PHACTR3: variants seen among roughly 807,000 people sequenced by gnomAD.
PHACTR3 encodes phosphatase and actin regulator 3, also known as protein phosphatase 1, regulatory subunit 123.
Under a neutral mutation model 66.8 loss-of-function variants are expected in PHACTR3, and 16 were observed. The ratio of observed to expected loss-of-function variants is 0.24; its 90% CI spans 0.16 to 0.36. The LOEUF is 0.36. Ranked by LOEUF, PHACTR3 falls within the 10% of genes least tolerant of loss-of-function variation. The probability of loss-of-function intolerance (pLI) is 1.00; values close to 1 mark genes in which losing one functional copy is unlikely to be tolerated. For missense variants in PHACTR3, 647 were observed against 719.9 expected, an observed-to-expected ratio of 0.90 and a Z score of 1.16; for synonymous variants, 323 against 292.1, an observed-to-expected ratio of 1.11 and a Z score of -1.08.
rs1341899476 is a variant in PHACTR3, at chr20:59,724,144, A to AG, written c.119-18960dup. Reference sequence around the variant, plus strand: ...CCTGGGCTGGCCAACGTGCACCCTCAGGGTCGGGATGTGATCTAGAGCAGG... The same window carrying AG: ...CCTGGGCTGGCCAACGTGCACCCTCAGGGGTCGGGATGTGATCTAGAGCAGG... On this transcript the variant is annotated intron_variant, in intron 1 of 12. Coordinates refer to ENST00000371015, the MANE Select transcript of PHACTR3 (RefSeq NM_080672.5). 9.9e-5 allele frequency among the ~76,000 whole-genome samples: 15 copies of AG among 152,262 alleles called. No homozygotes were observed. In the East Asian group the frequency reaches 2.7e-3, roughly 27 times the overall value.
intron 1 of PHACTR3, among the ~76,000 whole-genome samples, chr20:59,617,812 T>C (rs2034087274): frequency 7.0e-6 from 1 of 143,660 alleles, no homozygotes; most frequent in Non-Finnish European, 1.5e-5. Flanking sequence ...CCTCTGTCCT[T>C]CTTCTTTCTC....
chr20:59,704,679 G>A (rs2037635655), intron 1 of PHACTR3, among the ~76,000 whole-genome samples: 2 of 145,530 alleles, frequency 1.4e-5, no homozygotes, highest in Admixed American at 1.4e-4. Context: ...GTCTGGATCT[G>A]CCATGTCTTC....
At chr20:59,695,499 A>G (rs1384291929) in intron 1 of PHACTR3, among the ~76,000 whole-genome samples, 2 of 152,172 alleles carry the variant, frequency 1.3e-5, no homozygotes, top group Non-Finnish European at 2.9e-5. Flanking sequence ...AGTCAACTAA[A>G]CCTTTTTTCT....
At chr20:59,816,049 A>G (rs892333631) in intron 8 of PHACTR3, among the ~76,000 whole-genome samples, 1 of 152,086 alleles carries the variant, frequency 6.6e-6, no homozygotes, top group Non-Finnish European at 1.5e-5. Flanking sequence ...GTAATATATA[A>G]TGAAGTTATT....
chr20:59,800,955 T>C (rs1410462881), intron 7 of PHACTR3, among the ~76,000 whole-genome samples: 2 of 152,108 alleles, frequency 1.3e-5, no homozygotes, highest in Non-Finnish European at 2.9e-5. Flanking sequence ...CACCATGAAG[T>C]TTTCTGTCTG....
chr20:59,826,351 A>G (rs13041499), intron 8 of PHACTR3, among the ~76,000 whole-genome samples: 17 of 152,072 alleles, frequency 1.1e-4, no homozygotes, highest in African/African-American at 3.6e-4. Flanking sequence ...GTCTGGGCCA[A>G]TGTGGGGCCA....
At chr20:59,657,026 A>G (rs1408907145) in intron 1 of PHACTR3, among the ~76,000 whole-genome samples, 1 of 152,008 alleles carries the variant, frequency 6.6e-6, no homozygotes, top group African/African-American at 2.4e-5. Flanking sequence ...ATATGAATTT[A>G]TGTCTTTCAA....
At chr20:59,799,085 T>A (rs748067009) in intron 7 of PHACTR3, among the ~76,000 whole-genome samples, 1 of 152,104 alleles carries the variant, frequency 6.6e-6, no homozygotes, top group Non-Finnish European at 1.5e-5. Flanking sequence ...TATGTGGGTT[T>A]TTTTAGAGGT....
chr20:59,735,514 G>A (rs908561537), intron 1 of PHACTR3, among the ~76,000 whole-genome samples: 7 of 152,038 alleles, frequency 4.6e-5, no homozygotes, highest in Non-Finnish European at 7.4e-5. Context: ...GGGGAATTTC[G>A]TGAAGTGGAA....
At chr20:59,581,813 G>A (rs1476212109) in intron 1 of PHACTR3, among the ~76,000 whole-genome samples, 3 of 151,884 alleles carry the variant, frequency 2.0e-5, no homozygotes, top group Non-Finnish European at 2.9e-5. Flanking sequence ...CCCGGTAGGC[G>A]GAGCTTGCAG....
intron 1 of PHACTR3, among the ~76,000 whole-genome samples, chr20:59,687,526 G>A (rs1438852674): frequency 5.9e-5 from 9 of 152,144 alleles, no homozygotes; most frequent in East Asian, 3.9e-4. Flanking sequence ...AAAATTTACC[G>A]AAGCTGATGA....
chr20:59,821,851 T>A (rs1029131138), intron 8 of PHACTR3, among the ~76,000 whole-genome samples: 1 of 143,346 alleles, frequency 7.0e-6, no homozygotes, highest in Middle Eastern at 3.3e-3. Context: ...CCTCCCACAC[T>A]GGGCCAGGGA....
intron 1 of PHACTR3, among the ~76,000 whole-genome samples, chr20:59,719,223 T>C (rs888966569): frequency 1.3e-5 from 2 of 152,160 alleles, no homozygotes; most frequent in Admixed American, 6.5e-5. Context: ...TGGAGTGCAG[T>C]GGTGCGATCT....
intron 8 of PHACTR3, among the ~76,000 whole-genome samples, chr20:59,835,379 G>C (rs566332282): frequency 4.6e-5 from 7 of 152,300 alleles, no homozygotes; most frequent in Non-Finnish European, 8.8e-5. Flanking sequence ...AACCACAAAG[G>C]GTTGTGTTCT....
chr20:59,724,823 T>C (rs2038500560), intron 1 of PHACTR3, among the ~76,000 whole-genome samples: 1 of 152,234 alleles, frequency 6.6e-6, no homozygotes, highest in South Asian at 2.1e-4. Context: ...CATTCACTAA[T>C]TGATGTCTGT....
chr20:59,686,797 GTGATGATTGTGA>G (rs2036896287), intron 1 of PHACTR3, among the ~76,000 whole-genome samples: 3 of 124,960 alleles, frequency 2.4e-5, no homozygotes, highest in East Asian at 3.1e-4. Context: ...GATGATGGTG[GTGATGATTGTGA>G]TGATGATGGT....
At chr20:59,599,009 G>A (rs1232693028) in intron 1 of PHACTR3, among the ~76,000 whole-genome samples, 3 of 152,242 alleles carry the variant, frequency 2.0e-5, no homozygotes, top group Non-Finnish European at 2.9e-5. Context: ...AGCATTTGAA[G>A]TTTGCTGAAT....
intron 1 of PHACTR3, among the ~76,000 whole-genome samples, chr20:59,662,038 A>C (rs1481929435): frequency 6.6e-6 from 1 of 151,954 alleles, no homozygotes; most frequent in African/African-American, 2.4e-5. Flanking sequence ...AGAGACAGGA[A>C]ACTTGTGCTT....
At position 59,830,181 on chromosome 20, in the gene PHACTR3, G is replaced by A. The variant is rs934834845; in HGVS notation, c.1329-6324G>A. 1.3e-5 allele frequency among the ~76,000 whole-genome samples: 2 copies of A among 152,166 alleles called. No individual in the cohort carries two copies. The highest frequency in any genetic ancestry group is 3.8e-4 in the East Asian group (2 of 5,196). ...GCGTGTCTGGTGGAAGAGGGTGTGCGTGTCTGATGGAAGAGGGTATGAGTG... is the reference window on the plus strand; with the variant it reads ...GCGTGTCTGGTGGAAGAGGGTGTGCATGTCTGATGGAAGAGGGTATGAGTG... On this transcript the variant is annotated intron_variant, in intron 8 of 12. Coordinates refer to ENST00000371015, the MANE Select transcript of PHACTR3 (RefSeq NM_080672.5). The surrounding 1 kb of genome is among the most constrained non-coding windows in gnomAD (Gnocchi z 5.8).
Sources: allele counts gnomAD v4.1 joint callset (sites outside exome capture counted in the v4.1 genomes callset), GRCh38; gene constraint gnomAD v4.1.1; non-coding constraint Gnocchi (gnomAD v3.1); transcripts MANE v1.5; gene names NCBI Gene and HGNC (gene_info 2026-07-23, HGNC 2026-07-21).